PDE8A: variants seen among roughly 807,000 people sequenced by gnomAD.
PDE8A encodes phosphodiesterase 8A, also known as high affinity cAMP-specific and IBMX-insensitive 3',5'-cyclic phosphodiesterase 8A.
Under a neutral mutation model 105.0 loss-of-function variants are expected in PDE8A, and 59 were observed. The ratio of observed to expected loss-of-function variants is 0.56; its 90% CI spans 0.46 to 0.70. The LOEUF is 0.70. PDE8A is among the 30% of genes least tolerant of loss of function. The pLI is 0.00. For synonymous variants in PDE8A, 355 were observed against 371.9 expected (o/e 0.95, Z 0.52); for missense variants, 1,014 against 1,045.9 (o/e 0.97, Z 0.42).
At chr15:85,079,664 A>G (rs934624924) in intron 5 of PDE8A, among the ~76,000 whole-genome samples, 5 of 152,182 alleles carry the variant, frequency 3.3e-5, no homozygotes, top group African/African-American at 1.2e-4. Flanking sequence ...TGTAATCCCA[A>G]CACTTTGGGA....
In PDE8A at chr15:84,999,557, G is replaced by GTT. The variant is rs2080034329; in HGVS notation, c.186+17210_186+17211dup. Among the ~76,000 whole-genome samples the GTT allele has an allele frequency of 2.0e-5, 3 of 151,682 alleles. No homozygotes were observed. In the South Asian group the frequency reaches 6.3e-4, roughly 32 times the overall value. ...TAAGACATGGCCTCCCTTTTTTGTT[G>GTT]TTGTTGTTGTTGTTGTTGCTGTTTT... On this transcript the variant is annotated intron_variant, in intron 1 of 21. Coordinates refer to ENST00000394553, the MANE Select transcript of PDE8A (RefSeq NM_002605.3).
chr15:85,038,216 G>GGTGTGTGTGTGTGT (rs773765859), intron 1 of PDE8A, among the ~76,000 whole-genome samples: 1 of 48,292 alleles, frequency 2.1e-5, no homozygotes, highest in Admixed American at 1.6e-4. Context: ...CCAATTGGGG[G>GGTGTGTGTGTGTGT]GTGTGTGTGT....
At chr15:85,039,004 C>G (rs1247277914) in intron 1 of PDE8A, among the ~76,000 whole-genome samples, 2 of 151,996 alleles carry the variant, frequency 1.3e-5, no homozygotes, top group African/African-American at 4.8e-5. Flanking sequence ...GCCTGTAATC[C>G]TAGCTACTTG....
At chr15:84,990,148 C>G (rs988181041) in intron 1 of PDE8A, among the ~76,000 whole-genome samples, 2 of 151,900 alleles carry the variant, frequency 1.3e-5, no homozygotes, top group Non-Finnish European at 2.9e-5. Context: ...CCCAGGTGTT[C>G]GAGACCAGCC....
intron 19 of PDE8A, among the ~76,000 whole-genome samples, 165 bp from the exon 20 acceptor site, chr15:85,126,042 T>C (rs138509969): frequency 2.0e-5 from 3 of 152,222 alleles, no homozygotes; most frequent in African/African-American, 7.2e-5. Flanking sequence ...CTGGGTAAAA[T>C]GAGAGGCCAA....
intron 1 of PDE8A, among the ~76,000 whole-genome samples, chr15:85,060,316 T>C (rs1231986326): frequency 1.3e-5 from 2 of 152,236 alleles, no homozygotes; most frequent in African/African-American, 2.4e-5. Context: ...CCTATACTGC[T>C]TTATTCCCAC....
intron 1 of PDE8A, among the ~76,000 whole-genome samples, chr15:85,017,629 G>A (rs911014559): frequency 3.9e-5 from 6 of 152,154 alleles, no homozygotes; most frequent in Non-Finnish European, 7.4e-5. Flanking sequence ...GCTCACGCCT[G>A]TAATCCCAAC....
chr15:85,029,042 G>A (rs1473242151), intron 1 of PDE8A, among the ~76,000 whole-genome samples: 2 of 152,158 alleles, frequency 1.3e-5, no homozygotes, highest in Non-Finnish European at 2.9e-5. Context: ...ACCATGTGAA[G>A]CTACTTTGGA....
At chr15:85,006,483 G>A (rs1281017982) in intron 1 of PDE8A, among the ~76,000 whole-genome samples, 1 of 151,912 alleles carries the variant, frequency 6.6e-6, no homozygotes, top group Non-Finnish European at 1.5e-5. Flanking sequence ...GGAAGAATGT[G>A]GTATTACCCA....
chr15:85,059,389 T>C (rs1240936693), intron 1 of PDE8A, among the ~76,000 whole-genome samples: 2 of 152,238 alleles, frequency 1.3e-5, no homozygotes, highest in African/African-American at 4.8e-5. Context: ...GTTGGTTTAT[T>C]GTGTTGCTTA....
intron 1 of PDE8A, among the ~76,000 whole-genome samples, chr15:85,024,394 G>A (rs1178783914): frequency 6.6e-6 from 1 of 152,150 alleles, no homozygotes; most frequent in African/African-American, 2.4e-5. Flanking sequence ...CTCCTTAATA[G>A]GTGACTTTCT....
chr15:85,130,716 A>G (rs2082318892), intron 20 of PDE8A, among the ~76,000 whole-genome samples: 3 of 152,146 alleles, frequency 2.0e-5, no homozygotes, highest in Admixed American at 1.3e-4. Context: ...TTTGCTTCAT[A>G]TATTTTGGAA....
chr15:85,092,827 C>T lies in PDE8A; in HGVS notation c.852+1646C>T, dbSNP rs16974834. Among the ~76,000 whole-genome samples the T allele has an allele frequency of 4.6e-5, 7 of 152,098 alleles. No individual in the cohort carries two copies. In the East Asian group the frequency reaches 9.6e-4, roughly 21 times the overall value. ...GCACCAGGTAACAAAAGCCCTCAAA[C>T]TTGAATAGCAAGAGACCTGCTCTCT... On this transcript the variant is annotated intron_variant, in intron 8 of 21. Coordinates refer to ENST00000394553, the MANE Select transcript of PDE8A (RefSeq NM_002605.3).
At chr15:85,053,260 C>T (rs2081005233) in intron 1 of PDE8A, among the ~76,000 whole-genome samples, 1 of 152,204 alleles carries the variant, frequency 6.6e-6, no homozygotes, top group African/African-American at 2.4e-5. Flanking sequence ...AGCGTGATGC[C>T]TCCAACTTTG....
chr15:85,103,240 G>A (rs1008805855), intron 11 of PDE8A, among the ~76,000 whole-genome samples: 2 of 152,130 alleles, frequency 1.3e-5, no homozygotes, highest in African/African-American at 4.8e-5. Context: ...AAAGTTGAAA[G>A]ACAGCCTAGA....
At chr15:85,054,348 A>G (rs993433401) in intron 1 of PDE8A, among the ~76,000 whole-genome samples, 6 of 152,164 alleles carry the variant, frequency 3.9e-5, no homozygotes, top group African/African-American at 1.2e-4. Flanking sequence ...TGAGTTATGG[A>G]GGATTCCCTC....
upstream of PDE8A, among the ~76,000 whole-genome samples, chr15:84,981,118 G>A (rs945807119): frequency 1.3e-5 from 2 of 152,242 alleles, no homozygotes; most frequent in Non-Finnish European, 2.9e-5. Context: ...TAGCCGCTAA[G>A]TTACGGAGCC....
chr15:85,004,901 C>T (rs1452404107), intron 1 of PDE8A, among the ~76,000 whole-genome samples: 2 of 144,956 alleles, frequency 1.4e-5, no homozygotes, highest in Admixed American at 6.9e-5. Context: ...TTGAATGATA[C>T]ATAGTTTCTT....
chr15:85,087,544 T>G (rs958911861), intron 6 of PDE8A, among the ~76,000 whole-genome samples: 1 of 151,738 alleles, frequency 6.6e-6, no homozygotes, highest in Non-Finnish European at 1.5e-5. Context: ...CTCTGCACTT[T>G]ATAAGCAGGC....
Sources: gnomAD v4.1 joint callset for allele counts (sites outside exome capture counted in the v4.1 genomes callset) on GRCh38, gnomAD v4.1.1 for gene constraint, MANE v1.5 for transcripts, NCBI Gene and HGNC (gene_info 2026-07-23, HGNC 2026-07-21) for gene names.